SAGE1: variants seen among roughly 807,000 people sequenced by gnomAD.
SAGE1 encodes cancer/testis antigen 14.
SAGE1 carries 55 observed loss-of-function variants against 55.4 expected under a neutral mutation model. The ratio of observed to expected loss-of-function variants is 0.99; its 90% CI spans 0.80 to 1.24. The LOEUF is 1.24. Among genes scored for constraint, SAGE1 ranks in the 50% most tolerant of loss-of-function variants. The pLI is 0.00. For synonymous variants in SAGE1, 240 were observed against 244.3 expected, an observed-to-expected ratio of 0.98 and a Z score of 0.17; for missense variants, 710 against 704.4, an observed-to-expected ratio of 1.01 and a Z score of -0.09.
intron 2 of SAGE1, among the ~76,000 whole-genome samples, chrX:135,900,398 T>A (rs1384452692): frequency 8.9e-6 from 1 of 111,745 alleles, no homozygotes; most frequent in Non-Finnish European, 1.9e-5. Context: ...AGTTTTCCAG[T>A]ATTTTATTGA....
chrX:135,896,312 T>A lies in SAGE1; in HGVS notation c.70T>A (p.Phe24Ile). The A allele has an allele frequency of 8.4e-7, 1 of 1,194,502 alleles. No homozygotes were observed. Among genetic ancestry groups the A allele is most frequent in the East Asian group, 3.0e-5 (1 of 33,763 alleles). ...PEELHAAAYV[F>I]TNDGQQMRSD... ...AGAACTTCATGCTGCTGCCTATGTG[T>A]TTACAAATGATGGGCAGGTAAGATA... The change falls in exon 2 of 20, where the codon TTT becomes ATT. Residue 24 changes from phenylalanine to isoleucine, a missense_variant. Phe to Ile is a conservative substitution (Grantham distance 21, BLOSUM62 0). Coordinates refer to ENST00000370709, the MANE Select transcript of SAGE1 (RefSeq NM_001381902.1).
chrX:135,908,304 T>C, intron 11 of SAGE1, 75 bp downstream of exon 11: 1 of 1,069,749 alleles, frequency 9.3e-7, no homozygotes. Context: ...AAGAATGTGG[T>C]TTTATTATAT....
intron 17 of SAGE1, 109 bp downstream of exon 17, chrX:135,911,441 G>A: frequency 1.1e-6 from 1 of 933,867 alleles, no homozygotes; most frequent in Non-Finnish European, 1.5e-6. Context: ...AACTTAGTTT[G>A]AGGGGTCTTG....
intron 3 of SAGE1, among the ~76,000 whole-genome samples, chrX:135,903,941 T>C (rs782004210): frequency 1.8e-5 from 2 of 112,450 alleles, no homozygotes; most frequent in Admixed American, 9.4e-5. Context: ...TCACAAGATC[T>C]GAGATTTCCA....
At chrX:135,900,326 C>T (rs1314944830) in intron 2 of SAGE1, among the ~76,000 whole-genome samples, 5 of 111,989 alleles carry the variant, frequency 4.5e-5, no homozygotes, top group African/African-American at 1.6e-4. Context: ...AATGACCTTG[C>T]ATCCCGGGGA....
At chrX:135,909,370 C>T (rs2088853965) in intron 13 of SAGE1, among the ~76,000 whole-genome samples, 2 of 112,082 alleles carry the variant, frequency 1.8e-5, no homozygotes, top group Admixed American at 1.9e-4. Context: ...GCTGGTATTC[C>T]ACCCCTGAGT....
chrX:135,905,099 C>T (rs782528381), intron 4 of SAGE1, among the ~76,000 whole-genome samples, 153 bp from the exon 5 acceptor site: 1 of 111,682 alleles, frequency 9.0e-6, no homozygotes, highest in African/African-American at 3.2e-5. Context: ...AATTATCTTT[C>T]GTGACCTCAA....
rs4829584 is a variant in SAGE1 at position 135,911,895 on chromosome X, G to A, written c.2463G>A (p.Lys821=). The change falls in exon 18 of 20, where the codon AAG becomes AAA. Residue 821 remains lysine, a synonymous_variant. Transcript: ENST00000370709. ...NTPQISPAMA[K]KINDDIKYQL... The stretch of plus-strand genomic sequence containing the variant: ...CACAAATATCTCCTGCCATGGCAAA[G>A]AAAATTAATGATGATATAAAATATC... The A allele has an allele frequency of 0.18, 211,730 of 1,207,745 alleles. 13,693 individuals carry two copies. The highest frequency in any genetic ancestry group is 0.19 in the Admixed American group (8,786 of 45,657).
In SAGE1 at chrX:135,912,367, G is replaced by T. The variant is rs1556607005; in HGVS notation, c.2568G>T (p.Met856Ile). The change falls in exon 19 of 20, where the codon ATG (methionine) becomes ATT (isoleucine). Residue 856 changes from methionine to isoleucine, a missense_variant. Coordinates refer to ENST00000370709, the MANE Select transcript of SAGE1 (RefSeq NM_001381902.1). Reference protein sequence around the residue: ...FILLEEVQGSMKVKRQFVEFT... With the variant: ...FILLEEVQGSIKVKRQFVEFT... ...TGCTTGAAGAGGTACAAGGATCTATGAAAGTCAAGAGACAATTTGTTGAAT... is the reference window on the plus strand; with the variant it reads ...TGCTTGAAGAGGTACAAGGATCTATTAAAGTCAAGAGACAATTTGTTGAAT... 8.3e-7 allele frequency: 1 copy of T among 1,205,421 alleles called. No homozygotes were observed. Among genetic ancestry groups the T allele is most frequent in the East Asian group, 3.0e-5 (1 of 33,759 alleles).
At chrX:135,894,987 A>AT (rs2088561080) in intron 1 of SAGE1, among the ~76,000 whole-genome samples, 1 of 105,318 alleles carries the variant, frequency 9.5e-6, no homozygotes, top group Non-Finnish European at 1.9e-5. Context: ...AAATCCCACA[A>AT]GTTTGTTTGT....
chrX:135,905,306 G>T lies in SAGE1; in HGVS notation c.368G>T (p.Arg123Leu), dbSNP rs781929129. Residue 123 changes from arginine (R) to leucine (L), a missense_variant, in exon 5 of 20, where the codon CGA (arginine) becomes CTA (leucine). Physicochemically the swap from Arg to Leu is moderately radical, Grantham distance 102. Transcript: ENST00000370709. Reference protein sequence around the residue: ...REERMENGQSRTDKVLSTAPP... With the variant: ...REERMENGQSLTDKVLSTAPP... ...GAGAGGATGGAAAATGGCCAATCTC[G>T]AACTGACAAAGTCTTGTCAACTGCT... 1.2e-5 allele frequency: 14 copies of T among 1,201,831 alleles called. No individual in the cohort carries two copies. In the South Asian group the frequency reaches 2.5e-4, roughly 22 times the overall value.
At chrX:135,899,386 G>A (rs1334588967) in intron 2 of SAGE1, among the ~76,000 whole-genome samples, 10 of 111,864 alleles carry the variant, frequency 8.9e-5, no homozygotes, top group African/African-American at 3.3e-4. Context: ...TGCTGCTTTG[G>A]TTACTGTAGC....
Position 135,902,839 on chromosome X carries a change from G to A in SAGE1, c.220+1148G>A, listed in dbSNP as rs1319976340. On this transcript the variant is annotated intron_variant, in intron 3 of 19. Coordinates refer to ENST00000370709, the MANE Select transcript of SAGE1 (RefSeq NM_001381902.1). ...TCTGCATCCAACCATTTCTCTCTAT[G>A]CCTCCAGTGCATGCTGCCGTGATCT... Among the ~76,000 whole-genome samples, 6 of 111,773 alleles carry A rather than the reference G, an allele frequency of 5.4e-5. No individual in the cohort carries two copies. The Admixed American group carries it at 5.7e-4, about 11-fold the overall frequency.
Position 135,908,563 on chromosome X carries a change from G to C in SAGE1, c.1387G>C (p.Gly463Arg), listed in dbSNP as rs782360472. The change falls in exon 12 of 20, where the codon GGG (glycine) becomes CGG (arginine). Residue 463 changes from glycine to arginine, a missense_variant. Transcript: ENST00000370709. The part of the protein sequence containing the change: ...QDNVLSNVLS[G>R]LINMAGASIP... ...TAACGTCTTGTCAAATGTTCTATCC[G>C]GGCTTATTAATATGGCAGGAGCTAG... 1 of 1,204,814 alleles carries C rather than the reference G, an allele frequency of 8.3e-7. No homozygotes were observed. The highest frequency in any genetic ancestry group is 2.2e-5 in the Admixed American group (1 of 44,891).
chrX:135,905,320 T>A lies in SAGE1; in HGVS notation c.382T>A (p.Leu128Met), dbSNP rs782422307. 8.3e-7 allele frequency: 1 copy of A among 1,205,954 alleles called. No homozygotes were observed. Among genetic ancestry groups the A allele is most frequent in the Admixed American group, 2.2e-5 (1 of 45,632 alleles). The change falls in exon 5 of 20, where the codon TTG becomes ATG. Residue 128 changes from leucine to methionine, a missense_variant. Transcript: ENST00000370709. ...TGGCCAATCTCGAACTGACAAAGTC[T>A]TGTCAACTGCTCCACCACAGCTTGT... ...ENGQSRTDKVLSTAPPQLVHM... is the reference protein window; with the variant it reads ...ENGQSRTDKVMSTAPPQLVHM...
intron 17 of SAGE1, 59 bp downstream of exon 17, chrX:135,911,391 C>T: frequency 9.0e-7 from 1 of 1,108,742 alleles, no homozygotes; most frequent in Non-Finnish European, 1.2e-6. Context: ...GCATAGTGTC[C>T]TGCAGGGAAG....
At chrX:135,902,406 G>C (rs1478280008) in intron 3 of SAGE1, among the ~76,000 whole-genome samples, 1 of 111,867 alleles carries the variant, frequency 8.9e-6, no homozygotes, top group Admixed American at 9.4e-5. Context: ...TCAAATTTCT[G>C]ACCTCCCTCT....
In SAGE1 at chrX:135,901,685, C is replaced by G; in HGVS notation, c.214C>G (p.Gln72Glu). The G allele has an allele frequency of 8.3e-7, 1 of 1,204,625 alleles. No homozygotes were observed. Among genetic ancestry groups the G allele is most frequent in the Non-Finnish European group, 1.1e-6 (1 of 891,547 alleles). The change falls in exon 3 of 20, where the codon CAG (glutamine) becomes GAG (glutamate). Residue 72 changes from glutamine (Q) to glutamate (E), a missense_variant. Gln to Glu is a conservative substitution (Grantham distance 29). Coordinates refer to ENST00000370709, the MANE Select transcript of SAGE1 (RefSeq NM_001381902.1). ...GAGTATGTCCTCGTGGTTAGACAAA[C>G]AGGAAGGTGAGGGGGAATCCAATCT... ...RKSMSSWLDK[Q>E]EDAAVTHSIC... is the part of the protein sequence containing the mutation.
chrX:135,911,678 A>G lies in SAGE1; in HGVS notation c.2246A>G (p.Asn749Ser). 4 of 1,209,461 alleles carry G rather than the reference A, an allele frequency of 3.3e-6. No individual in the cohort carries two copies. The highest frequency in any genetic ancestry group is 4.5e-6 in the Non-Finnish European group (4 of 893,272). Residue 749 changes from asparagine to serine, a missense_variant, in exon 18 of 20, where the codon AAT (asparagine) becomes AGT (serine). Transcript: ENST00000370709. ...AATTCTGATTCACCAGAGCTGATAA[A>G]TATGACAGGACATTGTATGCCACCC... ...LSNSDSPELI[N>S]MTGHCMPPNA...
Sources: gnomAD v4.1 joint callset for allele counts (sites outside exome capture counted in the v4.1 genomes callset) on GRCh38, gnomAD v4.1.1 for gene constraint, MANE v1.5 for transcripts, NCBI Gene and HGNC (gene_info 2026-07-23, HGNC 2026-07-21) for gene names.